The following NIN variants were observed in gnomAD, a reference collection of about 807,000 sequenced individuals.
NIN encodes ninein, also known as glycogen synthase kinase 3 beta-interacting protein.
A neutral mutation model predicts 257.6 loss-of-function variants in NIN; 137 were observed. That is an observed-to-expected ratio of 0.53 (90% CI 0.46 to 0.61). NIN has a LOEUF of 0.61. Ranked by LOEUF, NIN falls within the 20% of genes least tolerant of loss-of-function variation. NIN has a pLI of 0.00. For missense variants in NIN, 2,439 were observed against 2,501.2 expected (o/e 0.98, Z 0.53); for synonymous variants, 918 against 919.8 (o/e 1.00, Z 0.04).
At chr14:50,773,930 A>G (rs955162537) in intron 7 of NIN, among the ~76,000 whole-genome samples, 3 of 152,230 alleles carry the variant, frequency 2.0e-5, no homozygotes, top group African/African-American at 4.8e-5. Flanking sequence ...TTGAAGCCAC[A>G]GAACGAGGAG....
intron 5 of NIN, among the ~76,000 whole-genome samples, chr14:50,791,812 C>CACAAACACAAACACACAA (rs1555388925): frequency 6.6e-6 from 1 of 150,666 alleles, no homozygotes; most frequent in South Asian, 2.1e-4. Context: ...CACGCGCACA[C>CACAAACACAAACACACAA]ACACACACAC....
intron 27 of NIN, among the ~76,000 whole-genome samples, chr14:50,737,722 G>A (rs1467102822): frequency 6.7e-6 from 1 of 148,404 alleles, no homozygotes; most frequent in Non-Finnish European, 1.5e-5. Context: ...TTAGCTCACT[G>A]CAACCTCCGC....
rs752823186 is a variant in NIN, at chr14:50,738,314, A to C, written c.5629-28T>G. On this transcript the variant is annotated intron_variant, in intron 26 of 30. Coordinates refer to ENST00000530997, the MANE Select transcript of NIN (RefSeq NM_020921.4). ...AACAGGAACAAATGTAAGAGGAAAA[A>C]ATGCTAATACAATCACCCAGCCAGC... 1.9e-6 allele frequency: 3 copies of C among 1,605,056 alleles called. No homozygotes were observed. The Admixed American group carries it at 5.1e-5, about 27-fold the overall frequency.
intron 10 of NIN, 141 bp from the exon 11 acceptor site, chr14:50,771,133 C>G (rs2042714334): frequency 8.4e-7 from 1 of 1,186,372 alleles, no homozygotes; most frequent in Admixed American, 2.8e-5. Context: ...AGGCACTCCA[C>G]CCTTCCCTTC....
At chr14:50,723,763 T>A in intron 30 of NIN, 91 bp from the exon 31 acceptor site, 1 of 1,054,860 alleles carries the variant, frequency 9.5e-7, no homozygotes. Context: ...AGTTGTTTTA[T>A]AAAGGCAAAT....
At chr14:50,816,498 G>A (rs560014563) in intron 3 of NIN, among the ~76,000 whole-genome samples, 1 of 152,180 alleles carries the variant, frequency 6.6e-6, no homozygotes, top group South Asian at 2.1e-4. Context: ...AGGGAATGGA[G>A]ATTCACTTTT....
intron 12 of NIN, among the ~76,000 whole-genome samples, chr14:50,767,588 T>A (rs552955187): frequency 2.0e-5 from 3 of 152,072 alleles, no homozygotes; most frequent in Non-Finnish European, 2.9e-5. Flanking sequence ...GAGGCCAAGG[T>A]GGGCGGATCA....
At chr14:50,727,509 C>T in intron 29 of NIN, 1 of 1,205,246 alleles carries the variant, frequency 8.3e-7, no homozygotes, top group South Asian at 1.9e-5. Flanking sequence ...GTCATTTCTA[C>T]ATAAATAAAT....
chr14:50,768,371 C>T (rs2042592686), intron 12 of NIN, among the ~76,000 whole-genome samples: 1 of 152,172 alleles, frequency 6.6e-6, no homozygotes, highest in Non-Finnish European at 1.5e-5. Flanking sequence ...CTCTGTGTAT[C>T]AGGCAGTGCT....
At chr14:50,798,817 T>C (rs1595891606) in intron 4 of NIN, among the ~76,000 whole-genome samples, 2 of 152,224 alleles carry the variant, frequency 1.3e-5, no homozygotes, top group Admixed American at 1.3e-4. Context: ...TCTCGCTCTA[T>C]TGCCAGGCTA....
chr14:50,792,166 C>T (rs1347923154), intron 5 of NIN: 1 of 152,570 alleles, frequency 6.6e-6, no homozygotes, highest in African/African-American at 2.4e-5. Flanking sequence ...TGCAAGGAAT[C>T]CAGCAGAAAG....
At chr14:50,821,166 AGC>A (rs1314213533) in intron 3 of NIN, among the ~76,000 whole-genome samples, 22 of 152,376 alleles carry the variant, frequency 1.4e-4, no homozygotes, top group African/African-American at 4.8e-4. Context: ...AAATAATAAA[AGC>A]TATTAATTAT....
chr14:50,729,079 G>A (rs1375169281), intron 29 of NIN, among the ~76,000 whole-genome samples: 6 of 152,126 alleles, frequency 3.9e-5, no homozygotes, highest in East Asian at 1.9e-4. Context: ...CCAATTGTGC[G>A]CTGTGTTTAA....
In NIN at chr14:50,720,482, A is replaced by G. The variant is rs970251130; in HGVS notation, c.*2981T>C. 2 of 209,544 alleles carry G rather than the reference A, an allele frequency of 9.5e-6. No homozygotes were observed. Among genetic ancestry groups the G allele is most frequent in the African/African-American group, 2.3e-5 (1 of 44,146 alleles). The allele number at this position is 209,544 out of a possible 1,614,324, so 13.0% of individuals were successfully genotyped here. On this transcript the variant is annotated 3_prime_UTR_variant, in exon 31 of 31. Transcript: ENST00000530997. The stretch of plus-strand genomic sequence containing the variant: ...GTTTCTCATAATATCTGCCCTGGGT[A>G]ATAGTGCATTATTAAAATACTAGAC...
rs539621094 is a variant in NIN at position 50,813,760 on chromosome 14, G to A, written c.184-6942C>T. 2.0e-5 allele frequency among the ~76,000 whole-genome samples: 3 copies of A among 152,324 alleles called. No individual in the cohort carries two copies. In the East Asian group the frequency reaches 5.8e-4, roughly 29 times the overall value. On this transcript the variant is annotated intron_variant, in intron 3 of 30. Coordinates refer to ENST00000530997, the MANE Select transcript of NIN (RefSeq NM_020921.4). ...ACTACTGGAAATAGACCCAAGGTGG[G>A]AGAACTCAAACTAGCACTGAACAAG...
At position 50,770,355 on chromosome 14, in the gene NIN, G is replaced by A. The variant is rs367698168; in HGVS notation, c.1434+33C>T. On this transcript the variant is annotated intron_variant, in intron 12 of 30. Transcript: ENST00000530997. ...GTTTTCCACGTGGTGTTCCCGGCAGGGACGCAGACCACAGAACTAATAAGA... is the reference window on the plus strand; with the variant it reads ...GTTTTCCACGTGGTGTTCCCGGCAGAGACGCAGACCACAGAACTAATAAGA... The A allele has an allele frequency of 1.3e-5, 21 of 1,602,068 alleles. No homozygotes were observed. In the African/African-American group the frequency reaches 1.6e-4, roughly 12 times the overall value.
At position 50,812,077 on chromosome 14, in the gene NIN, G is replaced by A. The variant is rs148629132; in HGVS notation, c.184-5259C>T. Among the ~76,000 whole-genome samples the A allele has an allele frequency of 8.9e-3, 1,350 of 152,196 alleles. 9 individuals are homozygous for A. The highest frequency in any genetic ancestry group is 0.014 in the Non-Finnish European group (983 of 68,008). ...GGAGATTGCAGTGAGTTGAGATCACGCCACTGCACTCCAGCTTGGGTGACA... is the reference window on the plus strand; with the variant it reads ...GGAGATTGCAGTGAGTTGAGATCACACCACTGCACTCCAGCTTGGGTGACA... On this transcript the variant is annotated intron_variant, in intron 3 of 30. Transcript: ENST00000530997.
chr14:50,823,348 G>A (rs746792079), intron 2 of NIN: 7 of 526,536 alleles, frequency 1.3e-5, no homozygotes, highest in South Asian at 1.1e-4. Flanking sequence ...TATAAAAAAA[G>A]CAGCAGCTTT....
At chr14:50,765,836 C>T (rs2042457774) in intron 14 of NIN, among the ~76,000 whole-genome samples, 2 of 111,124 alleles carry the variant, frequency 1.8e-5, no homozygotes, top group Admixed American at 1.1e-4. Flanking sequence ...TAATAGCTAA[C>T]ATTTATGTTT....
Sources: allele counts gnomAD v4.1 joint callset (sites outside exome capture counted in the v4.1 genomes callset), GRCh38; gene constraint gnomAD v4.1.1; transcripts MANE v1.5; gene names NCBI Gene and HGNC (gene_info 2026-07-23, HGNC 2026-07-21).